Variants in DRC8 observed in about 807,000 individuals in gnomAD.
DRC8 encodes the protein dynein regulatory complex protein 8.
At chr1:245,078,527 A>G in the DRC8 span, among the ~76,000 whole-genome samples, 1 of 152,214 alleles carries the variant, frequency 6.6e-6, no homozygotes, top group Non-Finnish European at 1.5e-5. Context: ...GCTATTTGCA[A>G]CAACATGGAT....
the DRC8 span, among the ~76,000 whole-genome samples, chr1:245,074,483 A>G: frequency 6.6e-6 from 1 of 152,150 alleles, no homozygotes; most frequent in Admixed American, 6.5e-5. Flanking sequence ...TAAAACAGGG[A>G]AATTAATGGT....
the DRC8 span, among the ~76,000 whole-genome samples, chr1:244,982,532 C>T: frequency 2.6e-5 from 4 of 151,760 alleles, no homozygotes; most frequent in Non-Finnish European, 5.9e-5. Flanking sequence ...GGCGTGGTGG[C>T]GTGTGCCTGT....
chr1:245,088,699 A>G, the DRC8 span, among the ~76,000 whole-genome samples: 2 of 152,220 alleles, frequency 1.3e-5, no homozygotes, highest in East Asian at 1.9e-4. This position sits in a 1 kb window ranked among gnomAD's most constrained non-coding sequence, Gnocchi z 4.6. Flanking sequence ...GGAAGATGAA[A>G]GGTGCTAGTG....
At chr1:245,039,396 A>G in the DRC8 span, among the ~76,000 whole-genome samples, 1 of 142,746 alleles carries the variant, frequency 7.0e-6, no homozygotes, top group Non-Finnish European at 1.5e-5. Flanking sequence ...GATTGCTTGA[A>G]CCCAGGAGCT....
the DRC8 span, among the ~76,000 whole-genome samples, chr1:244,980,466 C>G: frequency 6.6e-6 from 1 of 152,226 alleles, no homozygotes; most frequent in Admixed American, 6.5e-5. Flanking sequence ...ATTAGATGGA[C>G]TCCAGGTTTG....
At chr1:244,997,616 T>C in the DRC8 span, among the ~76,000 whole-genome samples, 1 of 150,988 alleles carries the variant, frequency 6.6e-6, no homozygotes, top group Non-Finnish European at 1.5e-5. Context: ...TGATCTCGGC[T>C]CACCACAACC....
chr1:245,066,921 A>G, the DRC8 span, among the ~76,000 whole-genome samples: 1 of 152,134 alleles, frequency 6.6e-6, no homozygotes, highest in Non-Finnish European at 1.5e-5. Flanking sequence ...AGAAAAAAAA[A>G]TCATAATAAA....
chr1:244,987,447 C>T, the DRC8 span, among the ~76,000 whole-genome samples: 6 of 151,946 alleles, frequency 3.9e-5, no homozygotes, highest in African/African-American at 9.7e-5. Flanking sequence ...TCAAGTGATC[C>T]GCCCACCTCA....
the DRC8 span, among the ~76,000 whole-genome samples, chr1:245,112,127 T>C: frequency 6.6e-6 from 1 of 152,352 alleles, no homozygotes; most frequent in African/African-American, 2.4e-5. Flanking sequence ...CAGGCTGGCG[T>C]GCAATGGCAC....
chr1:244,970,374 G>T, the DRC8 span: 2 of 1,520,522 alleles, frequency 1.3e-6, no homozygotes, highest in Non-Finnish European at 8.8e-7. Context: ...CACCGCGGCC[G>T]AGGTTATCGT....
the DRC8 span, among the ~76,000 whole-genome samples, chr1:244,978,813 A>C: frequency 3.9e-5 from 6 of 152,198 alleles, no homozygotes; most frequent in South Asian, 1.2e-3. Flanking sequence ...TTTTAAATGC[A>C]CTAGTAAAAT....
the DRC8 span, among the ~76,000 whole-genome samples, chr1:245,113,084 G>A: frequency 2.0e-5 from 3 of 152,156 alleles, no homozygotes; most frequent in African/African-American, 7.2e-5. Context: ...GATTCTTACA[G>A]TAGTATCTTA....
the DRC8 span, chr1:245,123,353 C>A: frequency 2.1e-4 from 32 of 152,266 alleles, no homozygotes; most frequent in Admixed American, 3.9e-4. This position sits in a 1 kb window ranked among gnomAD's most constrained non-coding sequence, Gnocchi z 5.0. Context: ...GGCCAGTCTG[C>A]AGGTTGCTGA....
At chr1:244,985,282 T>C in the DRC8 span, among the ~76,000 whole-genome samples, 2 of 152,332 alleles carry the variant, frequency 1.3e-5, no homozygotes, top group Non-Finnish European at 2.9e-5. Flanking sequence ...AGTCTGTAGT[T>C]AATCCTTATG....
At chr1:245,124,392 G>A in the DRC8 span, 1 of 152,218 alleles carries the variant, frequency 6.6e-6, no homozygotes, top group Non-Finnish European at 1.5e-5. Flanking sequence ...GCCTGGAGGG[G>A]AATTCTAGGT....
chr1:245,059,447 C>A, the DRC8 span: 2 of 1,612,432 alleles, frequency 1.2e-6, no homozygotes, highest in Non-Finnish European at 1.7e-6. Flanking sequence ...GCTGCATGAT[C>A]TGATTGCAGA....
At chr1:245,060,708 A>G in the DRC8 span, among the ~76,000 whole-genome samples, 16 of 152,376 alleles carry the variant, frequency 1.1e-4, no homozygotes, top group Admixed American at 2.0e-4. Context: ...TTACAGCGAA[A>G]TCATCATCAT....
the DRC8 span, among the ~76,000 whole-genome samples, chr1:244,991,875 T>C: frequency 6.6e-6 from 1 of 152,356 alleles, no homozygotes; most frequent in Admixed American, 6.5e-5. Flanking sequence ...GTTTTCATAG[T>C]GTAGAAAGTA....
the DRC8 span, among the ~76,000 whole-genome samples, chr1:245,079,775 T>G: frequency 6.6e-6 from 1 of 152,202 alleles, no homozygotes; most frequent in Non-Finnish European, 1.5e-5. Context: ...GTAATCAGAA[T>G]AGCAACTCAA....
Sources: allele counts gnomAD v4.1 joint callset (sites outside exome capture counted in the v4.1 genomes callset), GRCh38; gene constraint gnomAD v4.1.1; non-coding constraint Gnocchi (gnomAD v3.1); transcripts MANE v1.5; gene names NCBI Gene and HGNC (gene_info 2026-07-23, HGNC 2026-07-21).